Variants in ATXN10 observed in about 807,000 individuals in gnomAD.
ATXN10 encodes ataxin-10.
ATXN10 carries 28 observed loss-of-function variants against 52.9 expected under a neutral mutation model. The ratio of observed to expected loss-of-function variants is 0.53; its 90% CI spans 0.39 to 0.73. The LOEUF (loss-of-function observed/expected upper bound fraction) is 0.73, where lower values mean the gene tolerates loss of function less well. Among genes scored for constraint, ATXN10 ranks in the 30% least tolerant of loss-of-function variants. ATXN10 has a pLI of 0.00. For missense variants in ATXN10, 565 were observed against 577.0 expected (o/e 0.98, Z 0.21); for synonymous variants, 226 against 221.5 (o/e 1.02, Z -0.18).
chr22:45,806,607 C>T lies in ATXN10; in HGVS notation c.1174-352C>T, dbSNP rs971241019. Among the ~76,000 whole-genome samples the T allele has an allele frequency of 3.9e-5, 6 of 152,074 alleles. No individual in the cohort carries two copies. The East Asian group carries it at 5.8e-4, about 15-fold the overall frequency. On this transcript the variant is annotated intron_variant, in intron 9 of 11. Transcript: ENST00000252934. The stretch of plus-strand genomic sequence containing the variant: ...ATTCCCAGCTTAGAAGAGGAATTCA[C>T]CCATGTTTTTTTCTAGTACTGATTT...
intron 9 of ATXN10, among the ~76,000 whole-genome samples, chr22:45,802,273 C>T (rs73889622): frequency 1.6e-3 from 243 of 152,316 alleles, no homozygotes; most frequent in African/African-American, 5.6e-3. Context: ...TCATTAATTA[C>T]GGGCCTACAA....
chr22:45,822,521 C>T (rs11914059), intron 10 of ATXN10, among the ~76,000 whole-genome samples: 15,514 of 145,894 alleles, frequency 0.11, 942 homozygotes, highest in Middle Eastern at 0.16. Context: ...TGAATTTCTC[C>T]AATTTTTTTT....
At position 45,790,997 on chromosome 22, in the gene ATXN10, G is replaced by A. The variant is rs1027952858; in HGVS notation, c.1174-15962G>A. On this transcript the variant is annotated intron_variant, in intron 9 of 11. Transcript: ENST00000252934. The surrounding 1 kb of genome is among the most constrained non-coding windows in gnomAD (Gnocchi z 4.7). ...AGCCTCCCCAGTAGCTGGGACTACA[G>A]TTACACACTGTCACACCCAGCTAAT... is the stretch of plus-strand genomic sequence containing the variant. Among the ~76,000 whole-genome samples the A allele has an allele frequency of 1.3e-5, 2 of 152,090 alleles. No homozygotes were observed. Among genetic ancestry groups the A allele is most frequent in the Non-Finnish European group, 2.9e-5 (2 of 68,010 alleles).
chr22:45,800,087 A>G (rs1927880870), intron 9 of ATXN10, among the ~76,000 whole-genome samples: 1 of 152,224 alleles, frequency 6.6e-6, no homozygotes, highest in African/African-American at 2.4e-5. Flanking sequence ...GACTTTTTAG[A>G]ATATAAAAAA....
Position 45,820,901 on chromosome 22 carries a change from A to G in ATXN10, c.1237+13879A>G, listed in dbSNP as rs1928624232. Among the ~76,000 whole-genome samples the G allele has an allele frequency of 6.6e-6, 1 of 152,206 alleles. No homozygotes were observed. The highest frequency in any genetic ancestry group is 2.4e-5 in the African/African-American group (1 of 41,454). On this transcript the variant is annotated intron_variant, in intron 10 of 11. Transcript: ENST00000252934. This position sits in a 1 kb window ranked among gnomAD's most constrained non-coding sequence, Gnocchi z 4.9. Reference sequence around the variant, plus strand: ...CCTCAGTGGTGGACAGAAGCCAGGGAAAAGCACGAATAGAAATGGTTCGAG... The same window carrying G: ...CCTCAGTGGTGGACAGAAGCCAGGGGAAAGCACGAATAGAAATGGTTCGAG...
rs188001149 is a variant in ATXN10 at position 45,827,624 on chromosome 22, C to T, written c.1238-15367C>T. Among the ~76,000 whole-genome samples, 63 of 152,028 alleles carry T rather than the reference C, an allele frequency of 4.1e-4. 1 individual carries two copies. The highest frequency in any genetic ancestry group is 1.4e-3 in the African/African-American group (58 of 41,486). On this transcript the variant is annotated intron_variant, in intron 10 of 11. Coordinates refer to ENST00000252934, the MANE Select transcript of ATXN10 (RefSeq NM_013236.4). ...AACAGATATAAACATTTGCACAGAC[C>T]GATAACAGGCCAAAATATATGAAGC...
chr22:45,800,039 G>A (rs958603015), intron 9 of ATXN10, among the ~76,000 whole-genome samples: 9 of 152,106 alleles, frequency 5.9e-5, no homozygotes, highest in African/African-American at 2.2e-4. Context: ...TACAAAACTT[G>A]TAGAAGAAAA....
chr22:45,673,700 A>G (rs1922566572), intron 1 of ATXN10: 1 of 152,206 alleles, frequency 6.6e-6, no homozygotes, highest in African/African-American at 2.4e-5. Context: ...AAATCTATAC[A>G]AGAGGTGGTG....
chr22:45,773,377 T>A (rs1926840323), intron 9 of ATXN10, among the ~76,000 whole-genome samples: 1 of 152,168 alleles, frequency 6.6e-6, no homozygotes, highest in Non-Finnish European at 1.5e-5. Flanking sequence ...CATGCTGTGA[T>A]GTCCCTGCCT....
chr22:45,672,497 G>A (rs1489997236), intron 1 of ATXN10: 1 of 162,066 alleles, frequency 6.2e-6, no homozygotes, highest in Non-Finnish European at 1.3e-5. Context: ...CCCCTGTCAT[G>A]TGCGAGGGCT....
At position 45,744,270 on chromosome 22, in the gene ATXN10, T is replaced by G. The variant is rs1925646496; in HGVS notation, c.1173+3732T>G. 1 of 152,230 alleles carries G rather than the reference T, an allele frequency of 6.6e-6. No homozygotes were observed. The highest frequency in any genetic ancestry group is 2.4e-5 in the African/African-American group (1 of 41,464). The allele number at this position is 152,230 out of a possible 1,614,324, so 9.4% of individuals were successfully genotyped here. ...CCTAAAATCTTTGTGTACTGCCTGA[T>G]TCCTCTGAATTTTGAGCAAGACTCT... On this transcript the variant is annotated intron_variant, in intron 9 of 11. Transcript: ENST00000252934. The surrounding 1 kb of genome is among the most constrained non-coding windows in gnomAD (Gnocchi z 4.9).
Position 45,672,174 on chromosome 22 carries a change from G to A in ATXN10, c.111G>A (p.Arg37=). The A allele has an allele frequency of 6.5e-7, 1 of 1,534,884 alleles. No individual in the cohort carries two copies. The highest frequency in any genetic ancestry group is 1.2e-5 in the South Asian group (1 of 83,392). Residue 37 remains arginine, a synonymous_variant, in exon 1 of 12, where the codon CGG becomes CGA. Coordinates refer to ENST00000252934, the MANE Select transcript of ATXN10 (RefSeq NM_013236.4). Reference sequence around the variant, plus strand: ...TCACGGCGCTCTTCAAAGAGCAGCGGAACCGGTAACGGGTCCGGCCGGGGG... The same window carrying A: ...TCACGGCGCTCTTCAAAGAGCAGCGAAACCGGTAACGGGTCCGGCCGGGGG... ...RALTALFKEQ[R]NRETAPRTIF...
In ATXN10 at chr22:45,672,033, C is replaced by T. The variant is rs753900456; in HGVS notation, c.-31C>T. The T allele has an allele frequency of 5.2e-6, 8 of 1,531,500 alleles. No individual in the cohort carries two copies. The highest frequency in any genetic ancestry group is 4.0e-5 in the Admixed American group (2 of 50,558). The allele number at this position is 1,531,500 out of a possible 1,614,324, so 94.9% of individuals were successfully genotyped here. A position where few individuals can be genotyped will look rare whatever the true frequency, so the allele number is the denominator to read the frequency against. ...TCGTCCTCCTCGCCTTCCTCCTCCTCGTCAGGCTCGACCCAGCTGTGAGCG... is the reference window on the plus strand; with the variant it reads ...TCGTCCTCCTCGCCTTCCTCCTCCTTGTCAGGCTCGACCCAGCTGTGAGCG... On this transcript the variant is annotated 5_prime_UTR_variant, in exon 1 of 12. Transcript: ENST00000252934.
At chr22:45,751,729 A>G (rs2146816819) in intron 9 of ATXN10, among the ~76,000 whole-genome samples, 1 of 114,574 alleles carries the variant, frequency 8.7e-6, no homozygotes, top group African/African-American at 3.1e-5. Context: ...AAGTAGCTCT[A>G]CCTTTTTCTG....
In ATXN10 at chr22:45,677,820, G is replaced by A. The variant is rs184915209; in HGVS notation, c.116+5641G>A. 81 of 152,316 alleles carry A rather than the reference G, an allele frequency of 5.3e-4. 1 individual carries two copies. The highest frequency in any genetic ancestry group is 1.8e-3 in the African/African-American group (76 of 41,566). The allele number at this position is 152,316 out of a possible 1,614,324, so 9.4% of individuals were successfully genotyped here. A position where few individuals can be genotyped will look rare whatever the true frequency, so the allele number is the denominator to read the frequency against. Reference sequence around the variant, plus strand: ...CAAAAAATGGAAAAGAACAAGTATCGTTGAGGATGTGGGGAAATGGGAACC... The same window carrying A: ...CAAAAAATGGAAAAGAACAAGTATCATTGAGGATGTGGGGAAATGGGAACC... On this transcript the variant is annotated intron_variant, in intron 1 of 11. Coordinates refer to ENST00000252934, the MANE Select transcript of ATXN10 (RefSeq NM_013236.4). The surrounding 1 kb of genome is among the most constrained non-coding windows in gnomAD (Gnocchi z 4.1).
chr22:45,792,796 C>T, intron 9 of ATXN10: 2 of 518,138 alleles, frequency 3.9e-6, no homozygotes, highest in Admixed American at 2.1e-5. Flanking sequence ...AATTTTGTGA[C>T]ATCATTCTGT....
intron 9 of ATXN10, among the ~76,000 whole-genome samples, chr22:45,751,843 GTT>G (rs138181): frequency 0.21 from 27,551 of 132,142 alleles, 2,991 homozygotes; most frequent in African/African-American, 0.29. Flanking sequence ...AGCATATTTA[GTT>G]TTTTTTTTTT....
rs746407422 is a variant in ATXN10 at position 45,772,427 on chromosome 22, G to A, written c.1173+31889G>A. Among the ~76,000 whole-genome samples, 2 of 152,076 alleles carry A rather than the reference G, an allele frequency of 1.3e-5. No homozygotes were observed. The highest frequency in any genetic ancestry group is 2.4e-5 in the African/African-American group (1 of 41,402). The stretch of plus-strand genomic sequence containing the variant: ...TTCCAGATATGCTATTTTGTTCGTC[G>A]ATATTTGTGCCTGTCTCTTCACCAT... On this transcript the variant is annotated intron_variant, in intron 9 of 11. Coordinates refer to ENST00000252934, the MANE Select transcript of ATXN10 (RefSeq NM_013236.4). The surrounding 1 kb of genome is among the most constrained non-coding windows in gnomAD (Gnocchi z 4.1).
At chr22:45,810,897 T>A (rs1928259607) in intron 10 of ATXN10, among the ~76,000 whole-genome samples, 2 of 152,210 alleles carry the variant, frequency 1.3e-5, no homozygotes, top group South Asian at 2.1e-4. Flanking sequence ...CTCTGTCTTA[T>A]GAAATTTATT....
Sources: gnomAD v4.1 joint callset for allele counts (sites outside exome capture counted in the v4.1 genomes callset) on GRCh38, gnomAD v4.1.1 for gene constraint, Gnocchi (gnomAD v3.1) non-coding constraint, MANE v1.5 for transcripts, NCBI Gene and HGNC (gene_info 2026-07-23, HGNC 2026-07-21) for gene names.